GLDC: variants seen among roughly 807,000 people sequenced by gnomAD.
GLDC encodes the protein glycine decarboxylase.
A neutral mutation model predicts 121.3 loss-of-function variants in GLDC; 104 were observed. That is an observed-to-expected ratio of 0.86 (90% confidence interval 0.73 to 1.01). GLDC has a LOEUF of 1.01. Ranked by LOEUF, GLDC falls within the 50% of genes least tolerant of loss-of-function variation. The probability of loss-of-function intolerance (pLI) is 0.00; values close to 1 mark genes in which losing one functional copy is unlikely to be tolerated. For missense variants in GLDC, 1,429 were observed against 1,306.6 expected (o/e 1.09, Z -1.44); for synonymous variants, 546 against 480.6 (o/e 1.14, Z -1.78).
intron 3 of GLDC, among the ~76,000 whole-genome samples, chr9:6,614,720 G>A (rs1386776280): frequency 6.6e-6 from 1 of 152,028 alleles, no homozygotes; most frequent in Non-Finnish European, 1.5e-5. Context: ...AGTCATGCAT[G>A]GCTTAACAGA....
intron 15 of GLDC, among the ~76,000 whole-genome samples, chr9:6,568,065 T>A (rs1817885634): frequency 6.6e-6 from 1 of 152,242 alleles, no homozygotes; most frequent in South Asian, 2.1e-4. Context: ...ATTCTATTCA[T>A]CTGACTTTCT....
At chr9:6,622,318 T>C (rs1393338276) in intron 2 of GLDC, among the ~76,000 whole-genome samples, 1 of 148,922 alleles carries the variant, frequency 6.7e-6, no homozygotes, top group Non-Finnish European at 1.5e-5. Flanking sequence ...GCTGCTGCCA[T>C]CTTGGCTCAC....
intron 9 of GLDC, among the ~76,000 whole-genome samples, chr9:6,594,107 G>A (rs577944186): frequency 1.2e-4 from 18 of 152,106 alleles, no homozygotes; most frequent in African/African-American, 3.4e-4. Context: ...TTACATACAC[G>A]AGTAACCATG....
chr9:6,611,666 C>T (rs1818860487), intron 3 of GLDC, among the ~76,000 whole-genome samples: 1 of 152,010 alleles, frequency 6.6e-6, no homozygotes. Context: ...GTCTAATTAT[C>T]ATTTCCTTTT....
intron 5 of GLDC, chr9:6,606,099 A>C (rs1818724846): frequency 6.2e-6 from 1 of 161,612 alleles, no homozygotes; most frequent in Admixed American, 6.1e-5. Context: ...CGAGGTCAGG[A>C]GATCAAGACC....
At chr9:6,594,753 A>G (rs1818455678) in intron 9 of GLDC, among the ~76,000 whole-genome samples, 1 of 152,068 alleles carries the variant, frequency 6.6e-6, no homozygotes, top group African/African-American at 2.4e-5. Flanking sequence ...GCAAGCAAGC[A>G]AGAAAGCAAG....
Position 6,592,360 on chromosome 9 carries a change from C to T in GLDC, c.1402-137G>A, listed in dbSNP as rs550025929. 4.4e-4 allele frequency: 314 copies of T among 707,324 alleles called. 1 individual carries two copies. The Middle Eastern group carries it at 4.6e-3, about 10-fold the overall frequency. 43.8% of individuals were successfully genotyped at this position (707,324 alleles called of 1,614,324 possible). ...AAATATCAGGGTACAATTATCTCCA[C>T]GCTAAGGCTTAGAGGAAGGTGGCTA... On this transcript the variant is annotated intron_variant, in intron 10 of 24. Coordinates refer to ENST00000321612, the MANE Select transcript of GLDC (RefSeq NM_000170.3).
intron 15 of GLDC, among the ~76,000 whole-genome samples, chr9:6,571,085 C>A (rs1817956676): frequency 6.6e-6 from 1 of 151,880 alleles, no homozygotes; most frequent in African/African-American, 2.4e-5. Context: ...TCATCCTCCC[C>A]CAAAATAATG....
chr9:6,555,135 A>G (rs945038530), intron 18 of GLDC, among the ~76,000 whole-genome samples: 1 of 152,262 alleles, frequency 6.6e-6, no homozygotes, highest in Non-Finnish European at 1.5e-5. Context: ...TTGTTGAAAT[A>G]GGCAACTCTT....
chr9:6,565,649 A>G lies in GLDC; in HGVS notation c.1851-220T>C. 3 of 629,618 alleles carry G rather than the reference A, an allele frequency of 4.8e-6. No homozygotes were observed. In the South Asian group the frequency reaches 5.6e-5, roughly 12 times the overall value. The allele number at this position is 629,618 out of a possible 1,614,324, so 39.0% of individuals were successfully genotyped here. A position where few individuals can be genotyped will look rare whatever the true frequency, so the allele number is the denominator to read the frequency against. On this transcript the variant is annotated intron_variant, in intron 15 of 24. Coordinates refer to ENST00000321612, the MANE Select transcript of GLDC (RefSeq NM_000170.3). ...CATCCAGTTTGTGCACTACAGCTCA[A>G]CCACTCCTACCCAAAGATGGAGCTT...
At chr9:6,558,398 T>G in intron 17 of GLDC, 161 bp downstream of exon 17, 1 of 799,870 alleles carries the variant, frequency 1.3e-6, no homozygotes, top group Non-Finnish European at 2.2e-6. Flanking sequence ...GATTTCTCCC[T>G]GTTGGTGATG....
intron 2 of GLDC, among the ~76,000 whole-genome samples, chr9:6,640,033 C>G (rs1743347516): frequency 6.6e-6 from 1 of 152,162 alleles, no homozygotes; most frequent in Admixed American, 6.6e-5. Flanking sequence ...CATCAGTTGC[C>G]CGACTTCTAG....
At chr9:6,558,533 C>T in intron 17 of GLDC, 26 bp downstream of exon 17, 8 of 1,613,794 alleles carry the variant, frequency 5.0e-6, no homozygotes, top group Non-Finnish European at 6.8e-6. Flanking sequence ...CCGGCCTCTC[C>T]CATCTGCTAA....
chr9:6,642,972 C>T (rs1023969612), intron 2 of GLDC, among the ~76,000 whole-genome samples: 8 of 151,736 alleles, frequency 5.3e-5, no homozygotes, highest in African/African-American at 1.2e-4. Flanking sequence ...CATCTTGGCT[C>T]GCTGCAACCT....
intron 15 of GLDC, among the ~76,000 whole-genome samples, chr9:6,579,424 T>A (rs144742296): frequency 4.6e-5 from 7 of 152,344 alleles, no homozygotes; most frequent in African/African-American, 1.7e-4. Flanking sequence ...AGCCTTAATC[T>A]GTATATTTTG....
intron 11 of GLDC, among the ~76,000 whole-genome samples, chr9:6,590,829 G>A (rs1339776072): frequency 1.3e-5 from 2 of 152,160 alleles, no homozygotes; most frequent in Non-Finnish European, 2.9e-5. Flanking sequence ...AGCTAACTCA[G>A]TCCTGTTTAA....
At chr9:6,533,212 T>C in intron 24 of GLDC, 52 bp from the exon 25 acceptor site, 2 of 1,556,672 alleles carry the variant, frequency 1.3e-6, no homozygotes, top group Middle Eastern at 1.7e-4. Context: ...GAGGTTTCTC[T>C]TAGGGCAAAG....
chr9:6,622,474 C>A (rs897605288), intron 2 of GLDC, among the ~76,000 whole-genome samples: 2 of 151,838 alleles, frequency 1.3e-5, no homozygotes, highest in African/African-American at 4.8e-5. Context: ...CAGCTCCTAA[C>A]CGCGAGTGAT....
intron 17 of GLDC, among the ~76,000 whole-genome samples, 154 bp from the exon 18 acceptor site, chr9:6,556,456 A>G (rs553135341): frequency 1.9e-3 from 293 of 152,346 alleles, no homozygotes; most frequent in African/African-American, 6.7e-3. Context: ...GCAATAAAAA[A>G]AAACCACAGC....
Sources: gnomAD v4.1 joint callset for allele counts (sites outside exome capture counted in the v4.1 genomes callset) on GRCh38, gnomAD v4.1.1 for gene constraint, MANE v1.5 for transcripts, NCBI Gene and HGNC (gene_info 2026-07-23, HGNC 2026-07-21) for gene names.